The following CWC27 variants were observed in gnomAD, a reference collection of about 807,000 sequenced individuals.
The protein encoded by CWC27 is spliceosome-associated protein CWC27 homolog.
In CWC27, 47 loss-of-function variants were observed where a neutral mutation model predicts 63.6. The observed-to-expected ratio is 0.74, with a 90% CI of 0.58 to 0.94. The LOEUF is 0.94. Ranked by LOEUF, CWC27 falls within the 40% of genes least tolerant of loss-of-function variation. The probability of loss-of-function intolerance (pLI) is 0.00; values close to 1 mark genes in which losing one functional copy is unlikely to be tolerated. For synonymous variants in CWC27, 175 were observed against 179.8 expected, an observed-to-expected ratio of 0.97 and a Z score of 0.22; for missense variants, 495 against 554.3, an observed-to-expected ratio of 0.89 and a Z score of 1.07.
At chr5:64,919,598 A>G (rs967788134) in intron 11 of CWC27, among the ~76,000 whole-genome samples, 3 of 152,180 alleles carry the variant, frequency 2.0e-5, no homozygotes, top group African/African-American at 7.2e-5. Flanking sequence ...ATAAGTGGGA[A>G]CATGCAGTAT....
At chr5:64,827,000 G>A (rs1745380680) in intron 10 of CWC27, among the ~76,000 whole-genome samples, 2 of 152,078 alleles carry the variant, frequency 1.3e-5, no homozygotes, top group Admixed American at 6.5e-5. Flanking sequence ...TAAGCAAATT[G>A]TAGTAACCTA....
chr5:64,840,864 G>C (rs1176609917), intron 10 of CWC27, among the ~76,000 whole-genome samples: 1 of 152,176 alleles, frequency 6.6e-6, no homozygotes, highest in Non-Finnish European at 1.5e-5. Context: ...CCAGGGGTAA[G>C]GGGACTGGAT....
chr5:65,007,131 C>G (rs1749862054), intron 13 of CWC27, among the ~76,000 whole-genome samples: 1 of 152,046 alleles, frequency 6.6e-6, no homozygotes, highest in Non-Finnish European at 1.5e-5. Context: ...TAGTATGTAC[C>G]CTTGAAACGA....
intron 13 of CWC27, among the ~76,000 whole-genome samples, chr5:65,008,909 G>A (rs1432505576): frequency 6.6e-6 from 1 of 152,118 alleles, no homozygotes; most frequent in Non-Finnish European, 1.5e-5. Context: ...ATATGTGTAT[G>A]ATGATGTACA....
At chr5:64,834,301 T>C (rs1472129440) in intron 10 of CWC27, among the ~76,000 whole-genome samples, 1 of 151,704 alleles carries the variant, frequency 6.6e-6, no homozygotes, top group Non-Finnish European at 1.5e-5. Flanking sequence ...TGAACTCCTC[T>C]GTAAAGCTCT....
intron 10 of CWC27, among the ~76,000 whole-genome samples, chr5:64,837,866 T>G (rs1745697445): frequency 6.6e-6 from 1 of 152,264 alleles, no homozygotes; most frequent in East Asian, 1.9e-4. Flanking sequence ...TCATAGTATT[T>G]CCTTCAGAAG....
intron 13 of CWC27, among the ~76,000 whole-genome samples, chr5:64,984,098 G>C (rs1749375813): frequency 6.6e-6 from 1 of 152,162 alleles, no homozygotes. Context: ...CTCCCAAAGT[G>C]CTGGGATTAC....
intron 11 of CWC27, among the ~76,000 whole-genome samples, chr5:64,940,119 T>C (rs972521291): frequency 3.3e-5 from 5 of 152,168 alleles, no homozygotes; most frequent in African/African-American, 1.2e-4. Context: ...TTTCCAGGCA[T>C]GTGAACAGTT....
rs146477034 is a variant in CWC27, at chr5:64,781,821, T to C, written c.140-100T>C. On this transcript the variant is annotated intron_variant, in intron 2 of 13. Coordinates refer to ENST00000381070, the MANE Select transcript of CWC27 (RefSeq NM_005869.4). ...TTTTGGCTGGGGAGCGTATTTAACA[T>C]TCTGGAAAATAAATCTTTTGACTCT... 1.5e-5 allele frequency: 8 copies of C among 545,164 alleles called. No homozygotes were observed. In the East Asian group the frequency reaches 2.6e-4, roughly 18 times the overall value. 33.8% of individuals were successfully genotyped at this position (545,164 alleles called of 1,614,324 possible).
chr5:64,916,672 G>T (rs1406352328), intron 11 of CWC27, among the ~76,000 whole-genome samples: 2 of 152,092 alleles, frequency 1.3e-5, no homozygotes, highest in African/African-American at 4.8e-5. Flanking sequence ...GATTGATCAT[G>T]GGTCACTCTG....
chr5:64,829,876 A>C (rs1745467750), intron 10 of CWC27, among the ~76,000 whole-genome samples: 1 of 151,104 alleles, frequency 6.6e-6, no homozygotes, highest in Admixed American at 6.6e-5. Flanking sequence ...TCCCACTTAA[A>C]AGTGAGAACA....
At chr5:64,799,115 G>T (rs1047639825) in intron 7 of CWC27, among the ~76,000 whole-genome samples, 1 of 152,160 alleles carries the variant, frequency 6.6e-6, no homozygotes, top group Non-Finnish European at 1.5e-5. Context: ...GACAGACCTG[G>T]ATTTAAACCC....
intron 13 of CWC27, among the ~76,000 whole-genome samples, chr5:64,991,148 T>C (rs1336218613): frequency 2.6e-5 from 4 of 152,202 alleles, no homozygotes; most frequent in African/African-American, 9.7e-5. Flanking sequence ...CAAGAAACCT[T>C]GCATTCACTT....
At chr5:64,989,537 T>C (rs1347638402) in intron 13 of CWC27, among the ~76,000 whole-genome samples, 1 of 152,178 alleles carries the variant, frequency 6.6e-6, no homozygotes, top group South Asian at 2.1e-4. Context: ...CAGAGAGAAG[T>C]TGAAAAACAG....
At chr5:64,849,416 C>T (rs905428466) in intron 10 of CWC27, among the ~76,000 whole-genome samples, 10 of 152,026 alleles carry the variant, frequency 6.6e-5, no homozygotes, top group African/African-American at 2.4e-4. Context: ...GATCTGTGTC[C>T]CTGTTCAAAT....
At chr5:64,997,750 A>T (rs1749662435) in intron 13 of CWC27, among the ~76,000 whole-genome samples, 2 of 152,166 alleles carry the variant, frequency 1.3e-5, no homozygotes, top group Non-Finnish European at 2.9e-5. Flanking sequence ...GGGGACACAG[A>T]TAAAGGAACA....
chr5:64,772,936 C>CAA (rs111700463), intron 1 of CWC27, among the ~76,000 whole-genome samples: 6 of 119,766 alleles, frequency 5.0e-5, no homozygotes, highest in South Asian at 2.7e-4. Context: ...GACTCTGTCT[C>CAA]AAAAAAAAAA....
At chr5:64,791,443 G>GAT (rs1164534666) in intron 7 of CWC27, among the ~76,000 whole-genome samples, 1 of 140,102 alleles carries the variant, frequency 7.1e-6, no homozygotes, top group Non-Finnish European at 1.5e-5. Flanking sequence ...TAGCAGCACA[G>GAT]ATAGTGCTGT....
chr5:64,829,760 ATTAGGTAT>A (rs1745464252), intron 10 of CWC27, among the ~76,000 whole-genome samples: 1 of 150,100 alleles, frequency 6.7e-6, no homozygotes, highest in African/African-American at 2.5e-5. Flanking sequence ...CGTCACCTAC[ATTAGGTAT>A]TTCTTCTAAT....
Sources: allele counts gnomAD v4.1 joint callset (sites outside exome capture counted in the v4.1 genomes callset), GRCh38; gene constraint gnomAD v4.1.1; transcripts MANE v1.5; gene names NCBI Gene and HGNC (gene_info 2026-07-23, HGNC 2026-07-21).